PTPRD: variants seen among roughly 807,000 people sequenced by gnomAD.
PTPRD encodes the protein receptor-type tyrosine-protein phosphatase delta.
A neutral mutation model predicts 214.5 loss-of-function variants in PTPRD; 34 were observed. That is an observed-to-expected ratio of 0.16 (90% CI 0.12 to 0.21). PTPRD has a LOEUF of 0.21. Ranked by LOEUF, PTPRD falls within the 10% of genes least tolerant of loss-of-function variation. The pLI is 1.00. For missense variants in PTPRD, 2,545 were observed against 2,398.7 expected (o/e 1.06, Z -1.27); for synonymous variants, 1,128 against 845.7 (o/e 1.33, Z -5.79).
chr9:8,649,196 G>C (rs1321000408), intron 12 of PTPRD, among the ~76,000 whole-genome samples: 3 of 152,308 alleles, frequency 2.0e-5, no homozygotes, highest in Middle Eastern at 3.4e-3. Context: ...AGAGGAACTA[G>C]TGTGATGAAC....
intron 2 of PTPRD, among the ~76,000 whole-genome samples, chr9:10,587,478 A>G (rs1028268240): frequency 6.6e-6 from 1 of 152,066 alleles, no homozygotes; most frequent in Non-Finnish European, 1.5e-5. Flanking sequence ...AAATAATGGC[A>G]ATAATAAGTA....
Position 8,568,895 on chromosome 9 carries a change from G to A in PTPRD, c.353-40116C>T, listed in dbSNP as rs187066464. On this transcript the variant is annotated intron_variant, in intron 14 of 45. Transcript: ENST00000381196. ...GTAATACTCAGTTGCCCACCTATGA[G>A]CTTTTGTGTGTCATTAGCACAAATC... Among the ~76,000 whole-genome samples the A allele has an allele frequency of 5.2e-3, 792 of 151,788 alleles. 6 individuals are homozygous for A. The highest frequency in any genetic ancestry group is 7.2e-3 in the Non-Finnish European group (492 of 67,934).
intron 9 of PTPRD, among the ~76,000 whole-genome samples, chr9:9,210,210 G>A (rs1297368437): frequency 6.6e-6 from 1 of 152,156 alleles, no homozygotes; most frequent in Non-Finnish European, 1.5e-5. Flanking sequence ...TAGATGTGCA[G>A]AAATGCAAAA....
chr9:8,792,832 TCTCC>T (rs2096280244), intron 11 of PTPRD, among the ~76,000 whole-genome samples: 1 of 152,110 alleles, frequency 6.6e-6, no homozygotes, highest in South Asian at 2.1e-4. Context: ...TCCATTCTTC[TCTCC>T]CTCTTTTTTC....
At chr9:8,845,936 G>A (rs1400024011) in intron 11 of PTPRD, among the ~76,000 whole-genome samples, 2 of 152,200 alleles carry the variant, frequency 1.3e-5, no homozygotes, top group African/African-American at 2.4e-5. Flanking sequence ...ACATTTGGCA[G>A]CCTGGATGAG....
At chr9:9,037,501 G>C (rs1212005915) in intron 10 of PTPRD, among the ~76,000 whole-genome samples, 1 of 152,088 alleles carries the variant, frequency 6.6e-6, no homozygotes, top group African/African-American at 2.4e-5. Context: ...GTTTGCTCTA[G>C]GACAGAGCAC....
chr9:8,357,332 G>C (rs1175022349), intron 39 of PTPRD, among the ~76,000 whole-genome samples: 1 of 152,168 alleles, frequency 6.6e-6, no homozygotes, highest in African/African-American at 2.4e-5. Flanking sequence ...CCTCATTTTA[G>C]CAGCTCACCA....
chr9:10,510,509 G>A (rs2133751287), intron 2 of PTPRD, among the ~76,000 whole-genome samples: 1 of 152,174 alleles, frequency 6.6e-6, no homozygotes, highest in Admixed American at 6.6e-5. Context: ...TAGGGATTAT[G>A]CAAAATGTTG....
intron 5 of PTPRD, among the ~76,000 whole-genome samples, chr9:9,890,583 A>G (rs2072937432): frequency 8.5e-5 from 13 of 152,070 alleles, no homozygotes; most frequent in Admixed American, 8.5e-4. Context: ...ATAATATGCC[A>G]GAATTATTTT....
At chr9:8,323,534 T>G (rs1276680362) in intron 44 of PTPRD, among the ~76,000 whole-genome samples, 1 of 152,166 alleles carries the variant, frequency 6.6e-6, no homozygotes, top group African/African-American at 2.4e-5. Context: ...TGGAAGAAGT[T>G]GATTCCAATC....
intron 3 of PTPRD, among the ~76,000 whole-genome samples, chr9:10,268,293 A>AAT (rs1554991671): frequency 6.9e-6 from 1 of 144,850 alleles, no homozygotes. Flanking sequence ...CTGTTGCTAT[A>AAT]AATAATAATA....
Position 10,230,427 on chromosome 9 carries a change from T to C in PTPRD, c.-545+110536A>G, listed in dbSNP as rs377360987. ...CTCTATGTATCTATCTATGTATCTA[T>C]GTATCTATGTATCTATCTATCTATC... On this transcript the variant is annotated intron_variant, in intron 3 of 45. Coordinates refer to ENST00000381196, the MANE Select transcript of PTPRD (RefSeq NM_002839.4). Among the ~76,000 whole-genome samples, 1,088 of 131,186 alleles carry C rather than the reference T, an allele frequency of 8.3e-3. 19 individuals carry two copies. The highest frequency in any genetic ancestry group is 0.029 in the African/African-American group (1,036 of 35,340). 86.1% of individuals were successfully genotyped at this position (131,186 alleles called of 152,430 possible). A position where few individuals can be genotyped will look rare whatever the true frequency, so the allele number is the denominator to read the frequency against.
intron 3 of PTPRD, among the ~76,000 whole-genome samples, chr9:10,159,421 G>T (rs1301529813): frequency 6.6e-6 from 1 of 151,902 alleles, no homozygotes; most frequent in African/African-American, 2.4e-5. Flanking sequence ...AGAGAAGTCT[G>T]GAATAAACAA....
At chr9:9,992,918 G>A (rs747841648) in intron 4 of PTPRD, among the ~76,000 whole-genome samples, 17 of 151,986 alleles carry the variant, frequency 1.1e-4, no homozygotes, top group Middle Eastern at 3.2e-3. Context: ...CCTGCACGTT[G>A]TGCACATGTA....
At chr9:8,353,944 A>G (rs76878919) in intron 39 of PTPRD, among the ~76,000 whole-genome samples, 10 of 62,690 alleles carry the variant, frequency 1.6e-4, no homozygotes, top group African/African-American at 4.0e-4. Context: ...GTACATATAT[A>G]TATATATATA....
At chr9:9,558,929 T>C (rs2082192675) in intron 8 of PTPRD, among the ~76,000 whole-genome samples, 1 of 152,222 alleles carries the variant, frequency 6.6e-6, no homozygotes, top group South Asian at 2.1e-4. Context: ...CTACAGGTCC[T>C]AAGCCTTTTT....
At chr9:10,046,624 C>G (rs1196398158) in intron 3 of PTPRD, among the ~76,000 whole-genome samples, 1 of 151,896 alleles carries the variant, frequency 6.6e-6, no homozygotes, top group Non-Finnish European at 1.5e-5. Context: ...ATGTTATTTA[C>G]TTGCAACTAT....
chr9:9,673,896 C>T (rs867612974), intron 7 of PTPRD, among the ~76,000 whole-genome samples: 5 of 151,562 alleles, frequency 3.3e-5, no homozygotes, highest in Non-Finnish European at 7.4e-5. Flanking sequence ...TTAAAGTACT[C>T]GATAGAAGTA....
At chr9:10,323,971 G>A (rs943016672) in intron 3 of PTPRD, among the ~76,000 whole-genome samples, 2 of 151,998 alleles carry the variant, frequency 1.3e-5, no homozygotes, top group Admixed American at 6.6e-5. Flanking sequence ...GAATTTTTAA[G>A]AGAAATTAAA....
Sources: allele counts gnomAD v4.1 joint callset (sites outside exome capture counted in the v4.1 genomes callset), GRCh38; gene constraint gnomAD v4.1.1; transcripts MANE v1.5; gene names NCBI Gene and HGNC (gene_info 2026-07-23, HGNC 2026-07-21).